The following PRELID2 variants were observed in gnomAD, a reference collection of about 807,000 sequenced individuals.
PRELID2 encodes PRELI domain containing 2, also known as PRELI domain-containing protein 2.
Under a neutral mutation model 28.4 loss-of-function variants are expected in PRELID2, and 25 were observed. The ratio of observed to expected loss-of-function variants is 0.88; its 90% CI spans 0.64 to 1.23. The LOEUF (loss-of-function observed/expected upper bound fraction) is 1.23, where lower values mean the gene tolerates loss of function less well. Ranked by LOEUF, PRELID2 falls within the 50% of genes most tolerant of loss-of-function variation. The probability of loss-of-function intolerance (pLI) is 0.00; values close to 1 mark genes in which losing one functional copy is unlikely to be tolerated. For synonymous variants in PRELID2, 76 were observed against 71.6 expected (o/e 1.06, Z -0.31); for missense variants, 201 against 214.4 (o/e 0.94, Z 0.39).
the PRELID2 span, among the ~76,000 whole-genome samples, chr5:145,318,978 C>T: frequency 2.5e-3 from 388 of 152,206 alleles, 1 homozygote; most frequent in African/African-American, 9.0e-3. Context: ...TGGAGTTTGG[C>T]GGTCCCACAG....
At chr5:145,467,807 A>C (rs1229390362), downstream of PRELID2, among the ~76,000 whole-genome samples, 1 of 151,466 alleles carries the variant, frequency 6.6e-6, no homozygotes, top group Non-Finnish European at 1.5e-5. Context: ...ACTAGCAGAT[A>C]TATTTCAACT....
At chr5:145,291,335 C>CACAAAA in the PRELID2 span, among the ~76,000 whole-genome samples, 78 of 57,466 alleles carry the variant, frequency 1.4e-3, no homozygotes, top group African/African-American at 8.3e-3. Flanking sequence ...GACTCTGTTT[C>CACAAAA]AGAAAAAAAA....
chr5:145,370,046 A>G, the PRELID2 span, among the ~76,000 whole-genome samples: 749 of 152,152 alleles, frequency 4.9e-3, 8 homozygotes, highest in African/African-American at 0.017. Context: ...GATAGATTGC[A>G]AAAGTTTTCT....
chr5:145,826,643 G>T lies in PRELID2; in HGVS notation c.76-3509C>A, dbSNP rs963983226. 2.0e-5 allele frequency among the ~76,000 whole-genome samples: 3 copies of T among 152,078 alleles called. No homozygotes were observed. In the East Asian group the frequency reaches 5.8e-4, roughly 29 times the overall value. On this transcript the variant is annotated intron_variant, in intron 1 of 6. Coordinates refer to ENST00000683046, the MANE Select transcript of PRELID2 (RefSeq NM_205846.3). ...TCTAACAAGGGTAAAATGTAGACGTGCCTAAAGCTGTTGTATCTGCTTGCT... is the reference window on the plus strand; with the variant it reads ...TCTAACAAGGGTAAAATGTAGACGTTCCTAAAGCTGTTGTATCTGCTTGCT...
chr5:145,413,049 G>A, the PRELID2 span, among the ~76,000 whole-genome samples: 6 of 152,074 alleles, frequency 3.9e-5, no homozygotes, highest in South Asian at 1.2e-3. Flanking sequence ...TTCAAGATGA[G>A]ATTTTAGGTG....
At chr5:145,563,323 G>A (rs1413943134) in intron 1 of PRELID2, among the ~76,000 whole-genome samples, 1 of 152,220 alleles carries the variant, frequency 6.6e-6, no homozygotes, top group African/African-American at 2.4e-5. Flanking sequence ...GCCAAGAAAT[G>A]GAGAATCAGA....
chr5:145,592,023 A>C (rs917840222), intron 1 of PRELID2, among the ~76,000 whole-genome samples: 7 of 152,200 alleles, frequency 4.6e-5, no homozygotes, highest in Non-Finnish European at 8.8e-5. Context: ...GAAAATTTCT[A>C]TATACATTTA....
chr5:145,731,107 G>A (rs769733451), intron 1 of PRELID2, among the ~76,000 whole-genome samples: 13 of 152,148 alleles, frequency 8.5e-5, no homozygotes, highest in Non-Finnish European at 1.5e-4. Context: ...GCTGCATTTC[G>A]TGTTTCTTTC....
chr5:145,552,921 T>G (rs1163341617), intron 1 of PRELID2, among the ~76,000 whole-genome samples: 1 of 152,228 alleles, frequency 6.6e-6, no homozygotes, highest in African/African-American at 2.4e-5. Context: ...GTTTATATGT[T>G]AATACCTGAA....
chr5:145,420,288 T>C, the PRELID2 span, among the ~76,000 whole-genome samples: 2 of 152,266 alleles, frequency 1.3e-5, no homozygotes, highest in Admixed American at 6.5e-5. Context: ...GGTAGCTTGA[T>C]GGGGATGGCA....
intron 1 of PRELID2, among the ~76,000 whole-genome samples, chr5:145,497,384 A>G (rs768152459): frequency 1.3e-5 from 2 of 150,882 alleles, no homozygotes; most frequent in Non-Finnish European, 3.0e-5. Flanking sequence ...GTCTTTATTA[A>G]TGATCTCTTC....
the PRELID2 span, among the ~76,000 whole-genome samples, chr5:145,369,705 C>A: frequency 6.6e-6 from 1 of 152,100 alleles, no homozygotes; most frequent in Non-Finnish European, 1.5e-5. Flanking sequence ...ATACTGTCTT[C>A]CACAATGGTT....
intron 1 of PRELID2, among the ~76,000 whole-genome samples, chr5:145,619,825 T>C (rs1753750385): frequency 6.6e-6 from 1 of 152,104 alleles, no homozygotes; most frequent in Non-Finnish European, 1.5e-5. Flanking sequence ...TCATAAAGCA[T>C]ATGAAAACCC....
chr5:145,357,627 A>G, the PRELID2 span, among the ~76,000 whole-genome samples: 1 of 152,130 alleles, frequency 6.6e-6, no homozygotes, highest in African/African-American at 2.4e-5. Flanking sequence ...CAGCCATTTC[A>G]TCTTTTATCT....
At chr5:145,397,291 C>A in the PRELID2 span, among the ~76,000 whole-genome samples, 1 of 152,058 alleles carries the variant, frequency 6.6e-6, no homozygotes, top group African/African-American at 2.4e-5. Context: ...AAAAAGTACT[C>A]TGAAAATAAA....
the PRELID2 span, among the ~76,000 whole-genome samples, chr5:145,271,245 A>T: frequency 6.6e-6 from 1 of 151,646 alleles, no homozygotes. Context: ...ACTTATATAT[A>T]TTTTTTTTGA....
chr5:145,598,187 G>C (rs1428121507), intron 1 of PRELID2, among the ~76,000 whole-genome samples: 1 of 152,158 alleles, frequency 6.6e-6, no homozygotes, highest in African/African-American at 2.4e-5. Flanking sequence ...AATGAAGCAA[G>C]GGGTGGTAAG....
the PRELID2 span, among the ~76,000 whole-genome samples, chr5:145,396,258 G>T: frequency 6.6e-6 from 1 of 152,078 alleles, no homozygotes; most frequent in Non-Finnish European, 1.5e-5. Flanking sequence ...TAGATGTGAA[G>T]ATAATTGAGC....
chr5:145,597,528 C>T (rs1434920420), intron 1 of PRELID2, among the ~76,000 whole-genome samples: 1 of 152,070 alleles, frequency 6.6e-6, no homozygotes, highest in Non-Finnish European at 1.5e-5. Context: ...TTGAACAATA[C>T]AATACTGCCA....
Sources: allele counts gnomAD v4.1 joint callset (sites outside exome capture counted in the v4.1 genomes callset), GRCh38; gene constraint gnomAD v4.1.1; transcripts MANE v1.5; gene names NCBI Gene and HGNC (gene_info 2026-07-23, HGNC 2026-07-21).